The following CROCC variants were observed in gnomAD, a reference collection of about 807,000 sequenced individuals.
CROCC encodes the protein ciliary rootlet coiled-coil, rootletin.
CROCC carries 180 observed loss-of-function variants against 245.2 expected under a neutral mutation model. That is an observed-to-expected ratio of 0.73 (90% CI 0.65 to 0.83). The LOEUF is 0.83. Ranked by LOEUF, CROCC falls within the 40% of genes least tolerant of loss-of-function variation. CROCC has a pLI of 0.00. For synonymous variants in CROCC, 1,205 were observed against 1,241.6 expected, an observed-to-expected ratio of 0.97 and a Z score of 0.62; for missense variants, 2,688 against 2,779.4, an observed-to-expected ratio of 0.97 and a Z score of 0.74.
rs763640140 is a variant in CROCC, at chr1:16,946,781, C to T, written c.2304C>T (p.Ala768=). The stretch of plus-strand genomic sequence containing the variant: ...TCCAGCTGGAGGAAGAAAAGTCCGC[C>T]CTGCAGGGCCGGCAACGGCAGGCAG... ...LVAQLEEEKS[A]LQGRQRQAEQ... The change falls in exon 17 of 37, where the codon GCC becomes GCT. Residue 768 remains alanine, a synonymous_variant. Coordinates refer to ENST00000375541, the MANE Select transcript of CROCC (RefSeq NM_014675.5). 1.2e-5 allele frequency: 19 copies of T among 1,551,628 alleles called. No individual in the cohort carries two copies. The highest frequency in any genetic ancestry group is 1.5e-5 in the Non-Finnish European group (17 of 1,147,134).
intron 25 of CROCC, 98 bp downstream of exon 25, chr1:16,956,254 C>A: frequency 7.7e-7 from 1 of 1,293,276 alleles, no homozygotes; most frequent in Non-Finnish European, 1.0e-6. Flanking sequence ...CTATGTAAAA[C>A]CAGGGGCTTG....
At chr1:16,932,900 C>G (rs1214270524) in intron 8 of CROCC, among the ~76,000 whole-genome samples, 4 of 152,288 alleles carry the variant, frequency 2.6e-5, no homozygotes, top group Non-Finnish European at 5.9e-5. Flanking sequence ...ACAGCCTCAG[C>G]CTCCTCGTCT....
Position 16,969,107 on chromosome 1 carries a change from T to A in CROCC, c.5077-9T>A. 1.3e-6 allele frequency: 2 copies of A among 1,590,148 alleles called. No individual in the cohort carries two copies. Among genetic ancestry groups the A allele is most frequent in the Non-Finnish European group, 1.7e-6 (2 of 1,169,026 alleles). ...ACAGCCCCGATTGTTCTGGCTGTCC[T>A]CCTGCCAGGTGGCCGACAGCGAGGT... On this transcript the variant is annotated splice_polypyrimidine_tract_variant and intron_variant, in intron 31 of 36. Transcript: ENST00000375541.
intron 8 of CROCC, among the ~76,000 whole-genome samples, chr1:16,933,331 G>T (rs529593536): frequency 6.6e-6 from 1 of 152,354 alleles, no homozygotes; most frequent in African/African-American, 2.4e-5. Context: ...TCTAGGTGTG[G>T]TGACACATGC....
At chr1:16,967,529 G>A (rs1015848145) in intron 30 of CROCC, among the ~76,000 whole-genome samples, 1 of 152,210 alleles carries the variant, frequency 6.6e-6, no homozygotes, top group African/African-American at 2.4e-5. Flanking sequence ...GCCAGAGTGG[G>A]GGCCCCAGAC....
chr1:16,954,252 G>T lies in CROCC; in HGVS notation c.3216G>T (p.Thr1072=), dbSNP rs774665432. ...TGTCTCTGAAGGAGTCTGAGAAGAC[G>T]GCGCTGTCAGAGAAGTTGATGGGTA... ...QALSLKESEK[T]ALSEKLMGTR... Residue 1072 remains threonine (T), a synonymous_variant, in exon 22 of 37, where the codon ACG becomes ACT. Coordinates refer to ENST00000375541, the MANE Select transcript of CROCC (RefSeq NM_014675.5). The surrounding 1 kb of genome is among the most constrained non-coding windows in gnomAD (Gnocchi z 4.4). 1 of 1,611,652 alleles carries T rather than the reference G, an allele frequency of 6.2e-7. No homozygotes were observed. The highest frequency in any genetic ancestry group is 1.7e-5 in the Admixed American group (1 of 60,020).
chr1:16,931,439 C>A, intron 8 of CROCC, 42 bp downstream of exon 8: 1 of 1,536,370 alleles, frequency 6.5e-7, no homozygotes, highest in South Asian at 1.1e-5. Flanking sequence ...GAGAGCCAGC[C>A]CTGCTCTTTA....
intron 20 of CROCC, among the ~76,000 whole-genome samples, chr1:16,952,915 G>A (rs1242260049): frequency 5.3e-5 from 8 of 152,224 alleles, no homozygotes; most frequent in Non-Finnish European, 1.0e-4. Flanking sequence ...TGGCCCACAC[G>A]GCCTGTCCTG....
chr1:16,961,884 G>A (rs1159250808), intron 27 of CROCC, among the ~76,000 whole-genome samples: 3 of 152,022 alleles, frequency 2.0e-5, no homozygotes, highest in Non-Finnish European at 2.9e-5. Flanking sequence ...GTGAGCCACC[G>A]TGCCTTTCCT....
upstream of CROCC, among the ~76,000 whole-genome samples, chr1:16,919,305 T>G (rs1207865222): frequency 1.3e-5 from 2 of 152,290 alleles, no homozygotes; most frequent in Non-Finnish European, 2.9e-5. Flanking sequence ...GGAATGAGCT[T>G]TGGGCTCACC....
Position 16,961,104 on chromosome 1 carries a change from C to A in CROCC, c.4379C>A (p.Ser1460Tyr). 1.5e-6 allele frequency: 2 copies of A among 1,363,962 alleles called. No individual in the cohort carries two copies. Among genetic ancestry groups the A allele is most frequent in the Non-Finnish European group, 1.9e-6 (2 of 1,062,108 alleles). The allele number at this position is 1,363,962 out of a possible 1,614,324, so 84.5% of individuals were successfully genotyped here. The change falls in exon 27 of 37, where the codon TCC (serine) becomes TAC (tyrosine). Residue 1460 changes from serine to tyrosine, a missense_variant. Physicochemically the swap from Ser to Tyr is moderately radical, Grantham distance 144 (BLOSUM62 -2). Transcript: ENST00000375541. ...PSPAPRPVPG[S>Y]PARDAPAEGS... is the part of the protein sequence containing the mutation. The stretch of plus-strand genomic sequence containing the variant: ...CCAGCCCCGCGGCCAGTGCCCGGTT[C>A]CCCTGCCCGGGACGCACCCGCAGAA...
upstream of CROCC, among the ~76,000 whole-genome samples, chr1:16,921,538 G>A (rs2075405024): frequency 6.6e-6 from 1 of 152,272 alleles, no homozygotes; most frequent in African/African-American, 2.4e-5. Flanking sequence ...CTCATTCTTA[G>A]CTAACCATGT....
chr1:16,955,989 C>T lies in CROCC; in HGVS notation c.3705-8C>T. 2.6e-6 allele frequency: 4 copies of T among 1,549,894 alleles called. No homozygotes were observed. Among genetic ancestry groups the T allele is most frequent in the Non-Finnish European group, 3.5e-6 (4 of 1,146,952 alleles). ...CCCAGGGCAGCCCCTGACCTCTGCC[C>T]TCTCCAGCCTGAAGCTTGCCAATGA... On this transcript the variant is annotated splice_polypyrimidine_tract_variant and splice_region_variant and intron_variant, in intron 24 of 36. Coordinates refer to ENST00000375541, the MANE Select transcript of CROCC (RefSeq NM_014675.5).
At chr1:16,924,510 A>G (rs1570586036) in intron 3 of CROCC, 31 bp downstream of exon 3, 1 of 1,602,590 alleles carries the variant, frequency 6.2e-7, no homozygotes. Context: ...GGACTAGGCC[A>G]GGGTTCCCCT....
At position 16,950,949 on chromosome 1, in the gene CROCC, G is replaced by A. The variant is rs748333674; in HGVS notation, c.2837-4G>A. 4.5e-6 allele frequency: 7 copies of A among 1,543,562 alleles called. No individual in the cohort carries two copies. The highest frequency in any genetic ancestry group is 6.1e-6 in the Non-Finnish European group (7 of 1,144,574). On this transcript the variant is annotated splice_region_variant and splice_polypyrimidine_tract_variant and intron_variant, in intron 19 of 36. Coordinates refer to ENST00000375541, the MANE Select transcript of CROCC (RefSeq NM_014675.5). The stretch of plus-strand genomic sequence containing the variant: ...CTGCCCTTTCCCCCATTCCTCTCGT[G>A]CAGGGGAGTTGGCGGGCCTGCGGCA...
chr1:16,968,960 G>T, intron 31 of CROCC, 156 bp from the exon 32 acceptor site: 1 of 784,784 alleles, frequency 1.3e-6, no homozygotes. Flanking sequence ...GGCTGAGCCA[G>T]CAGGAGTGCT....
At position 16,939,953 on chromosome 1, in the gene CROCC, T is replaced by A. The variant is rs572815453; in HGVS notation, c.1668T>A (p.Leu556=). ...QDLLGTLRKQ[L]SDSESERRAL... Reference sequence around the variant, plus strand: ...TACTGGGCACCCTGCGGAAGCAGCTTAGCGACAGCGAGAGCGAGCGGCGGG... The same window carrying A: ...TACTGGGCACCCTGCGGAAGCAGCTAAGCGACAGCGAGAGCGAGCGGCGGG... Residue 556 remains leucine, a synonymous_variant, in exon 13 of 37, where the codon CTT becomes CTA. Transcript: ENST00000375541. The A allele has an allele frequency of 6.2e-7, 1 of 1,612,786 alleles. No homozygotes were observed. Among genetic ancestry groups the A allele is most frequent in the Non-Finnish European group, 8.5e-7 (1 of 1,179,800 alleles).
chr1:16,933,295 T>C (rs55739711), intron 8 of CROCC, among the ~76,000 whole-genome samples: 1 of 152,226 alleles, frequency 6.6e-6, no homozygotes, highest in African/African-American at 2.4e-5. Context: ...GTGAGACCCC[T>C]ATCTCTACTA....
At chr1:16,936,273 T>C (rs2075786198) in intron 8 of CROCC, among the ~76,000 whole-genome samples, 1 of 152,252 alleles carries the variant, frequency 6.6e-6, no homozygotes. Flanking sequence ...ATTTTTATTT[T>C]ATTATTTATT....
Sources: gnomAD v4.1 joint callset for allele counts (sites outside exome capture counted in the v4.1 genomes callset) on GRCh38, gnomAD v4.1.1 for gene constraint, Gnocchi (gnomAD v3.1) non-coding constraint, MANE v1.5 for transcripts, NCBI Gene and HGNC (gene_info 2026-07-23, HGNC 2026-07-21) for gene names.